Variants in NALCN observed in about 807,000 individuals in gnomAD.
NALCN encodes sodium leak channel NALCN.
NALCN carries 111 observed loss-of-function variants against 225.3 expected under a neutral mutation model. The ratio of observed to expected loss-of-function variants is 0.49; its 90% CI spans 0.42 to 0.58. The LOEUF (loss-of-function observed/expected upper bound fraction) is 0.58. Among genes scored for constraint, NALCN ranks in the 20% least tolerant of loss-of-function variants. NALCN has a pLI of 0.00. For synonymous variants in NALCN, 764 were observed against 769.0 expected (o/e 0.99, Z 0.11); for missense variants, 1,378 against 2,202.4 (o/e 0.63, Z 7.49).
intron 13 of NALCN, among the ~76,000 whole-genome samples, chr13:101,194,187 T>C (rs2039797557): frequency 1.3e-5 from 2 of 152,138 alleles, no homozygotes; most frequent in Admixed American, 1.3e-4. Context: ...TCTGTTGTTG[T>C]GAGATAAGCG....
intron 27 of NALCN, among the ~76,000 whole-genome samples, chr13:101,096,795 C>G (rs2034531012): frequency 6.6e-6 from 1 of 152,106 alleles, no homozygotes; most frequent in South Asian, 2.1e-4. Flanking sequence ...GACTCATTTC[C>G]TATTCTCCCT....
intron 6 of NALCN, among the ~76,000 whole-genome samples, chr13:101,358,502 T>C (rs7331137): frequency 0.23 from 34,502 of 152,110 alleles, 4,813 homozygotes; most frequent in East Asian, 0.37. Flanking sequence ...GCAGTACCAT[T>C]TCACACCAGT....
intron 7 of NALCN, among the ~76,000 whole-genome samples, chr13:101,307,896 AT>A (rs2044205990): frequency 6.6e-6 from 1 of 152,308 alleles, no homozygotes; most frequent in Admixed American, 6.5e-5. Context: ...CAAGATTTTA[AT>A]TATTTTCACT....
At chr13:101,107,458 A>AAC in intron 22 of NALCN, 29 bp downstream of exon 22, 1 of 1,613,574 alleles carries the variant, frequency 6.2e-7, no homozygotes. Flanking sequence ...GCTCAGGCCA[A>AAC]ACACCTGGCT....
At chr13:101,331,887 C>G (rs543352835) in intron 7 of NALCN, among the ~76,000 whole-genome samples, 253 of 152,266 alleles carry the variant, frequency 1.7e-3, no homozygotes, top group African/African-American at 5.8e-3. Flanking sequence ...TAAGCAGCCC[C>G]CACAAAGCCC....
At chr13:101,152,080 C>T (rs1338962253) in intron 15 of NALCN, among the ~76,000 whole-genome samples, 1 of 152,138 alleles carries the variant, frequency 6.6e-6, no homozygotes, top group African/African-American at 2.4e-5. Flanking sequence ...TTAATACACC[C>T]AGTATATCCA....
Position 101,081,576 on chromosome 13 carries a change from AG to A in NALCN, c.3835del (p.Leu1279TrpfsTer2). ...CCATACAACGCCAAGCGACGTCACC[AG>A]GAGATCGTATCGGTTTCTTCTGCTT... ...WQSRRNRYDL[L>X]VTSLGVVWVV... is the part of the protein sequence containing the mutation. On this transcript the variant is annotated frameshift_variant, in exon 34 of 44. Coordinates refer to ENST00000251127, the MANE Select transcript of NALCN (RefSeq NM_052867.4). LOFTEE classifies it high-confidence loss of function. 1 of 1,614,190 alleles carries A rather than the reference AG, an allele frequency of 6.2e-7. No individual in the cohort carries two copies. Among genetic ancestry groups the A allele is most frequent in the East Asian group, 2.2e-5 (1 of 44,864 alleles).
At chr13:101,371,282 G>C (rs2046531726) in intron 6 of NALCN, among the ~76,000 whole-genome samples, 1 of 152,082 alleles carries the variant, frequency 6.6e-6, no homozygotes, top group East Asian at 1.9e-4. Context: ...TGGAATAAAT[G>C]AGATGTGGCA....
chr13:101,194,249 GA>G (rs949990368), intron 13 of NALCN, among the ~76,000 whole-genome samples: 5 of 151,294 alleles, frequency 3.3e-5, no homozygotes, highest in African/African-American at 7.3e-5. Context: ...AGTCTCGGGA[GA>G]AAAAAAAATC....
chr13:101,304,758 CTTTTTTTT>C (rs769247590), intron 7 of NALCN, among the ~76,000 whole-genome samples: 1 of 122,814 alleles, frequency 8.1e-6, no homozygotes, highest in African/African-American at 3.2e-5. Flanking sequence ...TTTTTCTTTT[CTTTTTTTT>C]TTTTTTTTGA....
chr13:101,373,034 A>G (rs2046585328), intron 6 of NALCN: 1 of 386,804 alleles, frequency 2.6e-6, no homozygotes, highest in African/African-American at 2.1e-5. Context: ...CATTCAAAAG[A>G]TAATCAGAGG....
intron 34 of NALCN, among the ~76,000 whole-genome samples, chr13:101,079,035 T>C (rs2033450666): frequency 6.6e-6 from 1 of 152,232 alleles, no homozygotes; most frequent in Non-Finnish European, 1.5e-5. Context: ...TCCTGTTCCC[T>C]TGTGAAGAAG....
chr13:101,213,372 A>C (rs545345012), intron 13 of NALCN, among the ~76,000 whole-genome samples: 143 of 152,216 alleles, frequency 9.4e-4, no homozygotes, highest in Non-Finnish European at 1.7e-3. Flanking sequence ...AATACCATTC[A>C]GGATATAGGC....
In NALCN at chr13:101,258,538, GGAT is replaced by G. The variant is rs1390412820; in HGVS notation, c.1168_1170del (p.Ile390del). ...ATCACGTCCACGGTCACCATGCTCA[GGAT>G]GAACATGTGGAAAACGGATGACCGC... On this transcript the variant is annotated inframe_deletion, in exon 11 of 44. Coordinates refer to ENST00000251127, the MANE Select transcript of NALCN (RefSeq NM_052867.4). The G allele has an allele frequency of 5.0e-6, 8 of 1,614,176 alleles. No homozygotes were observed. Among genetic ancestry groups the G allele is most frequent in the Non-Finnish European group, 6.8e-6 (8 of 1,180,038 alleles).
At chr13:101,180,102 A>G (rs2039131838) in intron 14 of NALCN, among the ~76,000 whole-genome samples, 1 of 151,808 alleles carries the variant, frequency 6.6e-6, no homozygotes. Flanking sequence ...ACATCTGCAA[A>G]GACTCTTTTT....
At chr13:101,295,987 A>T (rs1321970817) in intron 7 of NALCN, among the ~76,000 whole-genome samples, 1 of 152,154 alleles carries the variant, frequency 6.6e-6, no homozygotes, top group African/African-American at 2.4e-5. Flanking sequence ...TAGCTACTGA[A>T]ACTTCTTTTG....
intron 12 of NALCN, among the ~76,000 whole-genome samples, chr13:101,234,980 CTA>C (rs1414033258): frequency 3.3e-5 from 5 of 151,878 alleles, no homozygotes; most frequent in African/African-American, 1.2e-4. Flanking sequence ...GAGTAGGAAA[CTA>C]GAGATGATTA....
chr13:101,247,795 T>C (rs1444909275), intron 11 of NALCN, among the ~76,000 whole-genome samples: 1 of 152,178 alleles, frequency 6.6e-6, no homozygotes, highest in African/African-American at 2.4e-5. Flanking sequence ...TTTATCCTGA[T>C]GCTACCCCTC....
chr13:101,397,051 A>G (rs2047313213), intron 2 of NALCN, among the ~76,000 whole-genome samples: 1 of 141,804 alleles, frequency 7.1e-6, no homozygotes, highest in Admixed American at 7.1e-5. Flanking sequence ...AAGAAGTAAA[A>G]CACCTATGAA....
Sources: allele counts gnomAD v4.1 joint callset (sites outside exome capture counted in the v4.1 genomes callset), GRCh38; gene constraint gnomAD v4.1.1; transcripts MANE v1.5; gene names NCBI Gene and HGNC (gene_info 2026-07-23, HGNC 2026-07-21).